EBF3: variants seen among roughly 807,000 people sequenced by gnomAD.
EBF3 encodes the protein transcription factor COE3.
EBF3 carries 18 observed loss-of-function variants against 77.1 expected under a neutral mutation model. The observed-to-expected ratio is 0.23, with a 90% confidence interval of 0.16 to 0.35. The LOEUF is 0.35. Among genes scored for constraint, EBF3 ranks in the 10% least tolerant of loss-of-function variants. The pLI, the probability that EBF3 is intolerant of heterozygous loss-of-function variation, is 1.00. For missense variants in EBF3, 558 were observed against 860.0 expected (o/e 0.65, Z 4.39); for synonymous variants, 350 against 343.5 (o/e 1.02, Z -0.21).
intron 6 of EBF3, among the ~76,000 whole-genome samples, chr10:129,880,426 T>C (rs111822849): frequency 0.02 from 3,054 of 152,012 alleles, 107 homozygotes; most frequent in African/African-American, 0.069. Context: ...CATGCACACA[T>C]GCAGACACAC....
chr10:129,842,362 G>T lies in EBF3; in HGVS notation c.1195-69C>A. On this transcript the variant is annotated intron_variant, in intron 12 of 16. Transcript: ENST00000440978. The surrounding 1 kb of genome is among the most constrained non-coding windows in gnomAD (Gnocchi z 4.4). ...GGCCCAGCTGGCCGCACTCTCGGGG[G>T]CCCACCATGGTGGCATCCCACTGTC... 1.3e-6 allele frequency: 2 copies of T among 1,508,794 alleles called. No homozygotes were observed. The highest frequency in any genetic ancestry group is 2.6e-5 in the South Asian group (2 of 76,376). The allele number at this position is 1,508,794 out of a possible 1,614,324, so 93.5% of individuals were successfully genotyped here. A position where few individuals can be genotyped will look rare whatever the true frequency, so the allele number is the denominator to read the frequency against.
At chr10:129,923,987 T>C (rs951468856) in intron 6 of EBF3, among the ~76,000 whole-genome samples, 10 of 152,174 alleles carry the variant, frequency 6.6e-5, no homozygotes, top group African/African-American at 2.4e-4. Context: ...GAATAGCCGT[T>C]TGCCCAAAGA....
rs186966740 is a variant in EBF3, at chr10:129,863,547, C to T, written c.1039+3594G>A. 1.1e-3 allele frequency among the ~76,000 whole-genome samples: 160 copies of T among 152,340 alleles called. No homozygotes were observed. Among genetic ancestry groups the T allele is most frequent in the South Asian group, 8.3e-4 (4 of 4,832 alleles). Reference sequence around the variant, plus strand: ...TCTGAGCACAGGTTCATTAGCCCTCCGCCTGGCGGCCCCAGCCGGCCTCAC... The same window carrying T: ...TCTGAGCACAGGTTCATTAGCCCTCTGCCTGGCGGCCCCAGCCGGCCTCAC... On this transcript the variant is annotated intron_variant, in intron 10 of 16. Transcript: ENST00000440978. The surrounding 1 kb of genome is among the most constrained non-coding windows in gnomAD (Gnocchi z 4.0).
At position 129,964,148 on chromosome 10, in the gene EBF3, A is replaced by G. The variant is rs1379586063; in HGVS notation, c.-380T>C. The G allele has an allele frequency of 1.0e-6, 1 of 984,770 alleles. No homozygotes were observed. The highest frequency in any genetic ancestry group is 1.2e-6 in the Non-Finnish European group (1 of 829,770). 61.0% of individuals were successfully genotyped at this position (984,770 alleles called of 1,614,324 possible). A position where few individuals can be genotyped will look rare whatever the true frequency, so the allele number is the denominator to read the frequency against. The stretch of plus-strand genomic sequence containing the variant: ...CTTCTGGCGCGGCCCGCCTGCTCCA[A>G]AGACAAATAAACGGGGCAGTGAGTG... On this transcript the variant is annotated 5_prime_UTR_variant, in exon 1 of 17. Transcript: ENST00000440978. This position sits in a 1 kb window ranked among gnomAD's most constrained non-coding sequence, Gnocchi z 4.5.
chr10:129,871,189 G>C (rs1454007913), intron 8 of EBF3, among the ~76,000 whole-genome samples: 1 of 152,214 alleles, frequency 6.6e-6, no homozygotes, highest in Non-Finnish European at 1.5e-5. Context: ...CGGGTGCTGG[G>C]CAGGGCTCGC....
intron 6 of EBF3, among the ~76,000 whole-genome samples, chr10:129,919,732 T>C (rs1448918181): frequency 6.6e-6 from 1 of 152,052 alleles, no homozygotes; most frequent in African/African-American, 2.4e-5. Context: ...TGGACTGGGG[T>C]TTGATGGCTA....
chr10:129,901,517 A>T (rs1173779455), intron 6 of EBF3, among the ~76,000 whole-genome samples: 1 of 152,188 alleles, frequency 6.6e-6, no homozygotes, highest in Non-Finnish European at 1.5e-5. Context: ...TTTTGTTTTA[A>T]TTGTACAGCT....
chr10:129,889,295 G>A (rs868717), intron 6 of EBF3, among the ~76,000 whole-genome samples: 1,595 of 152,350 alleles, frequency 0.01, 95 homozygotes, highest in Admixed American at 0.093. Context: ...GCCAGAGCTC[G>A]TGGCACAGGA....
intron 11 of EBF3, among the ~76,000 whole-genome samples, chr10:129,844,047 C>T (rs775518197): frequency 7.9e-5 from 12 of 152,284 alleles, no homozygotes; most frequent in Non-Finnish European, 1.2e-4. Context: ...TTTAATAAGC[C>T]GAGGCCAGGC....
chr10:129,959,339 C>A (rs1019413579), intron 4 of EBF3, among the ~76,000 whole-genome samples: 4 of 151,910 alleles, frequency 2.6e-5, no homozygotes, highest in Non-Finnish European at 4.4e-5. Context: ...GGAGCGAGAG[C>A]CCGCTGGCAC....
chr10:129,964,059 G>A lies in EBF3; in HGVS notation c.-291C>T, dbSNP rs1164113307. The A allele has an allele frequency of 3.0e-6, 3 of 985,122 alleles. No homozygotes were observed. In the Admixed American group the frequency reaches 1.8e-4, roughly 61 times the overall value. 61.0% of individuals were successfully genotyped at this position (985,122 alleles called of 1,614,324 possible). ...TGTTGTTGTTGTTGTTTGCAGGCGC[G>A]CTCAACGTGGTGTCATCCTAGCCAG... On this transcript the variant is annotated 5_prime_UTR_variant, in exon 1 of 17. Transcript: ENST00000440978. This position sits in a 1 kb window ranked among gnomAD's most constrained non-coding sequence, Gnocchi z 4.5.
intron 10 of EBF3, among the ~76,000 whole-genome samples, chr10:129,851,530 A>G (rs376350686): frequency 6.6e-6 from 1 of 152,116 alleles, no homozygotes; most frequent in Non-Finnish European, 1.5e-5. Context: ...CTGAAGGGGG[A>G]AAAAAACAAT....
At chr10:129,853,436 T>C (rs1851032799) in intron 10 of EBF3, among the ~76,000 whole-genome samples, 1 of 152,216 alleles carries the variant, frequency 6.6e-6, no homozygotes, top group African/African-American at 2.4e-5. Context: ...CATCTTCCTG[T>C]AGCTTCCCAA....
intron 15 of EBF3, 59 bp downstream of exon 15, chr10:129,840,186 T>TC: frequency 1.1e-5 from 8 of 744,672 alleles, no homozygotes; most frequent in Non-Finnish European, 1.5e-5. Flanking sequence ...CCACCCCCAC[T>TC]CCCATCCCCA....
At chr10:129,936,248 T>C (rs1393083919) in intron 6 of EBF3, among the ~76,000 whole-genome samples, 2 of 152,168 alleles carry the variant, frequency 1.3e-5, no homozygotes, top group Non-Finnish European at 2.9e-5. Flanking sequence ...AGGACTGGTT[T>C]GAGGTCCCCT....
At chr10:129,905,191 C>T (rs1855056308) in intron 6 of EBF3, among the ~76,000 whole-genome samples, 1 of 152,270 alleles carries the variant, frequency 6.6e-6, no homozygotes, top group Non-Finnish European at 1.5e-5. Context: ...CTTGATGGCA[C>T]CAGAAGGGCT....
intron 6 of EBF3, among the ~76,000 whole-genome samples, chr10:129,907,464 A>C (rs1473031091): frequency 6.6e-6 from 1 of 152,230 alleles, no homozygotes; most frequent in Non-Finnish European, 1.5e-5. Flanking sequence ...AGGTGACGAC[A>C]AAATCTATTT....
intron 6 of EBF3, among the ~76,000 whole-genome samples, chr10:129,923,659 G>C (rs1856459722): frequency 6.6e-6 from 1 of 152,048 alleles, no homozygotes; most frequent in South Asian, 2.1e-4. Context: ...ATGGATCAAA[G>C]ACCTAAAAGT....
rs1849668347 is a variant in EBF3, at chr10:129,837,302, T to C, written c.*641A>G. 6.5e-6 allele frequency: 1 copy of C among 152,672 alleles called. No homozygotes were observed. The highest frequency in any genetic ancestry group is 2.4e-5 in the African/African-American group (1 of 41,456). 9.5% of individuals were successfully genotyped at this position (152,672 alleles called of 1,614,324 possible). A position where few individuals can be genotyped will look rare whatever the true frequency, so the allele number is the denominator to read the frequency against. On this transcript the variant is annotated 3_prime_UTR_variant, in exon 17 of 17. Transcript: ENST00000440978. ...AGAGAATTCAATATCAAAGTTACAATTTCTAACTACAATAAGTTACAAAGT... is the reference window on the plus strand; with the variant it reads ...AGAGAATTCAATATCAAAGTTACAACTTCTAACTACAATAAGTTACAAAGT...
Sources: gnomAD v4.1 joint callset for allele counts (sites outside exome capture counted in the v4.1 genomes callset) on GRCh38, gnomAD v4.1.1 for gene constraint, Gnocchi (gnomAD v3.1) non-coding constraint, MANE v1.5 for transcripts, NCBI Gene and HGNC (gene_info 2026-07-23, HGNC 2026-07-21) for gene names.